Variants in PRKG2 observed in about 807,000 individuals in gnomAD.
PRKG2 encodes protein kinase cGMP-dependent 2, also known as cGMP-dependent protein kinase 2.
A neutral mutation model predicts 97.2 loss-of-function variants in PRKG2; 33 were observed. That is an observed-to-expected ratio of 0.34 (90% CI 0.26 to 0.45). The LOEUF is 0.45. Among genes scored for constraint, PRKG2 ranks in the 20% least tolerant of loss-of-function variants. The pLI, the probability that PRKG2 is intolerant of heterozygous loss-of-function variation, is 1.00. For synonymous variants in PRKG2, 330 were observed against 321.8 expected (o/e 1.03, Z -0.27); for missense variants, 638 against 900.0 (o/e 0.71, Z 3.73).
chr4:81,210,871 T>C (rs1209400441), intron 1 of PRKG2, among the ~76,000 whole-genome samples: 1 of 152,006 alleles, frequency 6.6e-6, no homozygotes, highest in Non-Finnish European at 1.5e-5. Flanking sequence ...TATTCAATAA[T>C]AAAAGCAATA....
intron 11 of PRKG2, 23 bp from the exon 12 acceptor site, chr4:81,140,692 C>A: frequency 6.3e-7 from 1 of 1,579,216 alleles, no homozygotes; most frequent in Non-Finnish European, 8.7e-7. Flanking sequence ...TGGAAAGATA[C>A]CTCAAAATTA....
chr4:81,171,615 G>T (rs1750484789), intron 4 of PRKG2, 76 bp downstream of exon 4: 10 of 1,098,494 alleles, frequency 9.1e-6, no homozygotes, highest in Non-Finnish European at 1.3e-5. Context: ...GTGGATCAGG[G>T]TGCAAATGTG....
chr4:81,109,891 A>C (rs1439341450), intron 15 of PRKG2, among the ~76,000 whole-genome samples: 2 of 152,190 alleles, frequency 1.3e-5, no homozygotes, highest in African/African-American at 4.8e-5. Flanking sequence ...ATGACAATTC[A>C]ATTTTCACTG....
At chr4:81,126,594 T>C (rs991035511) in intron 14 of PRKG2, among the ~76,000 whole-genome samples, 3 of 152,226 alleles carry the variant, frequency 2.0e-5, no homozygotes, top group East Asian at 3.9e-4. Context: ...TGGTATCTCA[T>C]TGTGGTTTTG....
chr4:81,113,682 T>C (rs1165415778), intron 14 of PRKG2, among the ~76,000 whole-genome samples: 2 of 152,158 alleles, frequency 1.3e-5, no homozygotes, highest in African/African-American at 2.4e-5. Flanking sequence ...TTGGTTCTCT[T>C]GGTCACATAA....
intron 4 of PRKG2, among the ~76,000 whole-genome samples, chr4:81,170,567 TC>T (rs1362709797): frequency 6.6e-6 from 1 of 152,102 alleles, no homozygotes; most frequent in Admixed American, 6.6e-5. Context: ...AGACTCTGAT[TC>T]AGGTTGGGAG....
rs139993616 is a variant in PRKG2, at chr4:81,105,121, T to C, written c.2064-689A>G. ...ATATTGTGAAAATTTATGTGGCACA[T>C]GAGAAAATTCGTTACGCGTATATAA... On this transcript the variant is annotated intron_variant, in intron 16 of 18. Coordinates refer to ENST00000264399, the MANE Select transcript of PRKG2 (RefSeq NM_006259.3). 1.8e-4 allele frequency among the ~76,000 whole-genome samples: 27 copies of C among 152,266 alleles called. No individual in the cohort carries two copies. The East Asian group carries it at 5.0e-3, about 28-fold the overall frequency.
chr4:81,165,246 T>C (rs1158933233), intron 6 of PRKG2, among the ~76,000 whole-genome samples: 1 of 152,180 alleles, frequency 6.6e-6, no homozygotes, highest in Non-Finnish European at 1.5e-5. Context: ...CAGGGCCATT[T>C]GTTCTAGGAG....
At chr4:81,094,762 G>C (rs1275179787) in intron 17 of PRKG2, among the ~76,000 whole-genome samples, 1 of 152,004 alleles carries the variant, frequency 6.6e-6, no homozygotes, top group African/African-American at 2.4e-5. Flanking sequence ...GGAATGAGCT[G>C]AAGTGTAGTG....
intron 13 of PRKG2, among the ~76,000 whole-genome samples, chr4:81,135,769 G>C (rs1356094422): frequency 2.0e-5 from 3 of 151,718 alleles, no homozygotes; most frequent in Non-Finnish European, 4.4e-5. Context: ...TTTCTGTTTG[G>C]GGCCCCTTGA....
At chr4:81,182,337 A>G (rs1256763455) in intron 2 of PRKG2, among the ~76,000 whole-genome samples, 1 of 152,002 alleles carries the variant, frequency 6.6e-6, no homozygotes, top group East Asian at 1.9e-4. Context: ...GTAAAATTAA[A>G]CACCTGTAAT....
At chr4:81,197,613 TA>T (rs548850731) in intron 2 of PRKG2, among the ~76,000 whole-genome samples, 2,046 of 110,848 alleles carry the variant, frequency 0.018, 57 homozygotes, top group African/African-American at 0.11. Context: ...CCTCATATAA[TA>T]ATACTTACCA....
At chr4:81,210,429 G>A (rs1290135906) in intron 1 of PRKG2, among the ~76,000 whole-genome samples, 1 of 152,076 alleles carries the variant, frequency 6.6e-6, no homozygotes, top group East Asian at 1.9e-4. Context: ...GCACTCAGTT[G>A]ATAAATAAGC....
chr4:81,200,554 T>C (rs1753239862), intron 2 of PRKG2, among the ~76,000 whole-genome samples: 1 of 152,124 alleles, frequency 6.6e-6, no homozygotes, highest in Non-Finnish European at 1.5e-5. Flanking sequence ...CCTTTCACAT[T>C]TGTGGGTAGT....
intron 17 of PRKG2, among the ~76,000 whole-genome samples, chr4:81,098,787 T>C (rs886922244): frequency 4.6e-5 from 7 of 152,188 alleles, no homozygotes; most frequent in African/African-American, 1.7e-4. Context: ...ACATCAAAGA[T>C]CAATGATCAC....
At chr4:81,152,395 T>C (rs1275864804) in intron 7 of PRKG2, among the ~76,000 whole-genome samples, 1 of 152,198 alleles carries the variant, frequency 6.6e-6, no homozygotes, top group Non-Finnish European at 1.5e-5. Context: ...GGGAACTTTT[T>C]CTATTTTAAA....
At chr4:81,189,107 C>A (rs2110109283) in intron 2 of PRKG2, among the ~76,000 whole-genome samples, 1 of 50,400 alleles carries the variant, frequency 2.0e-5, no homozygotes, top group Non-Finnish European at 3.2e-5. Flanking sequence ...CTAGCAATTG[C>A]ACAATGTTTC....
intron 2 of PRKG2, among the ~76,000 whole-genome samples, chr4:81,186,789 G>C (rs929542484): frequency 6.6e-6 from 1 of 151,946 alleles, no homozygotes. Context: ...ACGATAAAGG[G>C]GATATCAACA....
Position 81,171,154 on chromosome 4 carries a change from G to A in PRKG2, c.742+537C>T, listed in dbSNP as rs567263288. 1.3e-4 allele frequency among the ~76,000 whole-genome samples: 20 copies of A among 152,006 alleles called. 1 individual carries two copies. Among genetic ancestry groups the A allele is most frequent in the Admixed American group, 1.3e-3 (20 of 15,242 alleles). ...GCATACATCAGCTATTTATCCTGAT[G>A]CTCTCCCTCCCCCACCCCTCCCCAT... On this transcript the variant is annotated intron_variant, in intron 4 of 18. Transcript: ENST00000264399.
Sources: allele counts gnomAD v4.1 joint callset (sites outside exome capture counted in the v4.1 genomes callset), GRCh38; gene constraint gnomAD v4.1.1; transcripts MANE v1.5; gene names NCBI Gene and HGNC (gene_info 2026-07-23, HGNC 2026-07-21).